The following SLC24A3 variants were observed in gnomAD, a reference collection of about 807,000 sequenced individuals.
The protein encoded by SLC24A3 is solute carrier family 24 member 3.
In SLC24A3, 28 loss-of-function variants were observed where a neutral mutation model predicts 75.8. The observed-to-expected ratio is 0.37, with a 90% CI of 0.27 to 0.51. The LOEUF (loss-of-function observed/expected upper bound fraction) is 0.51. Ranked by LOEUF, SLC24A3 falls within the 20% of genes least tolerant of loss-of-function variation. SLC24A3 has a pLI of 0.94. For synonymous variants in SLC24A3, 372 were observed against 334.1 expected (o/e 1.11, Z -1.24); for missense variants, 663 against 847.8 (o/e 0.78, Z 2.71).
At chr20:19,694,265 C>T (rs998680521) in intron 13 of SLC24A3, 1 of 152,118 alleles carries the variant, frequency 6.6e-6, no homozygotes, top group African/African-American at 2.4e-5. Context: ...TAGGATTGGA[C>T]AGAAATTAAA....
rs1051231487 is a variant in SLC24A3 at position 19,317,014 on chromosome 20, A to G, written c.271+35927A>G. Among the ~76,000 whole-genome samples, 4 of 151,932 alleles carry G rather than the reference A, an allele frequency of 2.6e-5. No individual in the cohort carries two copies. The East Asian group carries it at 5.8e-4, about 22-fold the overall frequency. ...CCTCCCACCCCTCTGACAAAAGGCC[A>G]TACACCTACAACCATCTGACCTTTG... is the stretch of plus-strand genomic sequence containing the variant. On this transcript the variant is annotated intron_variant, in intron 2 of 16. Transcript: ENST00000328041.
At chr20:19,413,257 G>T (rs1454253320) in intron 2 of SLC24A3, among the ~76,000 whole-genome samples, 1 of 152,208 alleles carries the variant, frequency 6.6e-6, no homozygotes, top group African/African-American at 2.4e-5. Flanking sequence ...ATGGAGAAAT[G>T]AGAACTTGCA....
intron 1 of SLC24A3, among the ~76,000 whole-genome samples, chr20:19,275,944 A>G (rs1983472438): frequency 6.6e-6 from 1 of 152,114 alleles, no homozygotes; most frequent in Non-Finnish European, 1.5e-5. Flanking sequence ...TTAGGCCAAC[A>G]TGCAACTTCC....
chr20:19,718,754 C>A (rs987226364), intron 16 of SLC24A3, among the ~76,000 whole-genome samples: 1 of 152,158 alleles, frequency 6.6e-6, no homozygotes, highest in Non-Finnish European at 1.5e-5. Context: ...TTTTAAACAT[C>A]TTAAGTTTGC....
intron 10 of SLC24A3, 105 bp from the exon 11 acceptor site, chr20:19,684,071 G>A (rs2032644217): frequency 7.6e-7 from 1 of 1,312,544 alleles, no homozygotes; most frequent in Non-Finnish European, 1.1e-6. Flanking sequence ...ATGGATGGGA[G>A]GAAAGAAGGG....
At chr20:19,259,607 C>T (rs1982921092) in intron 1 of SLC24A3, among the ~76,000 whole-genome samples, 2 of 152,196 alleles carry the variant, frequency 1.3e-5, no homozygotes, top group South Asian at 4.2e-4. Context: ...TCGAGCTTGA[C>T]CGCAGCCCTT....
intron 3 of SLC24A3, among the ~76,000 whole-genome samples, chr20:19,547,226 T>G (rs6046173): frequency 6.6e-6 from 1 of 152,170 alleles, no homozygotes; most frequent in African/African-American, 2.4e-5. Flanking sequence ...TAATTTAGTG[T>G]GTAACACACC....
chr20:19,363,613 G>A (rs1051343475), intron 2 of SLC24A3, among the ~76,000 whole-genome samples: 4 of 152,114 alleles, frequency 2.6e-5, no homozygotes, highest in African/African-American at 7.2e-5. Context: ...ACCATGAGAG[G>A]AACAAAATAC....
intron 13 of SLC24A3, chr20:19,694,661 C>T (rs1335219659): frequency 6.6e-6 from 1 of 152,170 alleles, no homozygotes; most frequent in African/African-American, 2.4e-5. Flanking sequence ...TCTGTGCAGC[C>T]CCCTAACCAG....
At chr20:19,340,104 A>G (rs2122306391) in intron 2 of SLC24A3, among the ~76,000 whole-genome samples, 1 of 152,334 alleles carries the variant, frequency 6.6e-6, no homozygotes, top group East Asian at 1.9e-4. Context: ...TTGGCGTCTT[A>G]GTCCTAACCC....
At chr20:19,349,193 C>G (rs1985507681) in intron 2 of SLC24A3, among the ~76,000 whole-genome samples, 1 of 152,150 alleles carries the variant, frequency 6.6e-6, no homozygotes, top group Non-Finnish European at 1.5e-5. Context: ...AGGAACAAGC[C>G]AGCATACTTG....
intron 2 of SLC24A3, among the ~76,000 whole-genome samples, chr20:19,511,607 G>C (rs750618048): frequency 1.3e-5 from 2 of 152,134 alleles, no homozygotes; most frequent in African/African-American, 4.8e-5. Flanking sequence ...GATTACAGGC[G>C]TGAGCCACCG....
intron 3 of SLC24A3, among the ~76,000 whole-genome samples, chr20:19,531,369 C>T (rs919458540): frequency 7.9e-5 from 12 of 152,194 alleles, no homozygotes; most frequent in African/African-American, 2.7e-4. Context: ...ATAAAAGAAA[C>T]ATGGCATGTG....
chr20:19,504,570 G>A (rs1233692022), intron 2 of SLC24A3, among the ~76,000 whole-genome samples: 1 of 152,102 alleles, frequency 6.6e-6, no homozygotes, highest in Non-Finnish European at 1.5e-5. Flanking sequence ...TAATCACCAT[G>A]GGTTCCCTTG....
At chr20:19,337,049 T>A (rs894931726) in intron 2 of SLC24A3, among the ~76,000 whole-genome samples, 4 of 152,144 alleles carry the variant, frequency 2.6e-5, no homozygotes, top group Non-Finnish European at 5.9e-5. Context: ...ATGAGAATAT[T>A]AAATCCCAAT....
chr20:19,640,289 A>T (rs2032060917), intron 6 of SLC24A3, among the ~76,000 whole-genome samples: 1 of 149,806 alleles, frequency 6.7e-6, no homozygotes. Context: ...GAAGCAAATT[A>T]TTAAGGGTTA....
chr20:19,665,980 G>A (rs964190162), intron 8 of SLC24A3, 91 bp downstream of exon 8: 2 of 1,422,952 alleles, frequency 1.4e-6, no homozygotes, highest in African/African-American at 2.9e-5. Context: ...AAGAAAGAAA[G>A]GGAAGTGTCA....
intron 2 of SLC24A3, among the ~76,000 whole-genome samples, chr20:19,456,856 T>G (rs1987586566): frequency 6.6e-6 from 1 of 152,206 alleles, no homozygotes; most frequent in Non-Finnish European, 1.5e-5. Context: ...CCTGGGCTTA[T>G]TACACTCCCC....
intron 1 of SLC24A3, among the ~76,000 whole-genome samples, chr20:19,249,995 G>T (rs925241711): frequency 6.6e-6 from 1 of 152,258 alleles, no homozygotes; most frequent in East Asian, 1.9e-4. Flanking sequence ...TGATCTGAAA[G>T]GCCATCTTTC....
Sources: allele counts gnomAD v4.1 joint callset (sites outside exome capture counted in the v4.1 genomes callset), GRCh38; gene constraint gnomAD v4.1.1; transcripts MANE v1.5; gene names NCBI Gene and HGNC (gene_info 2026-07-23, HGNC 2026-07-21).